The following LY9 variants were observed in gnomAD, a reference collection of about 807,000 sequenced individuals.
The protein encoded by LY9 is lymphocyte antigen 9, also known as T-lymphocyte surface antigen Ly-9.
Under a neutral mutation model 64.6 loss-of-function variants are expected in LY9, and 59 were observed. That is an observed-to-expected ratio of 0.91 (90% CI 0.74 to 1.13). The LOEUF is 1.13. LY9 is among the 50% of genes most tolerant of loss of function. LY9 has a pLI of 0.00. For missense variants in LY9, 789 were observed against 797.2 expected (o/e 0.99, Z 0.12); for synonymous variants, 281 against 308.5 (o/e 0.91, Z 0.93).
intron 6 of LY9, among the ~76,000 whole-genome samples, chr1:160,818,823 T>C (rs1668155677): frequency 6.6e-6 from 1 of 152,130 alleles, no homozygotes; most frequent in Non-Finnish European, 1.5e-5. Flanking sequence ...AAAATGTGCT[T>C]CCCTCTAACT....
chr1:160,823,769 C>T lies in LY9; in HGVS notation c.1803C>T (p.Thr601=), dbSNP rs761286132. 3.7e-6 allele frequency: 6 copies of T among 1,613,394 alleles called. No homozygotes were observed. The African/African-American group carries it at 5.3e-5, about 14-fold the overall frequency. Residue 601 remains threonine (T), a synonymous_variant, in exon 8 of 10, where the codon ACC becomes ACT. Transcript: ENST00000263285. The part of the protein sequence containing the change: ...TEVESVVGEN[T]MYAQVFNLQG... ...TTGAGTCTGTGGTTGGAGAGAACAC[C>T]ATGTATGCACAAGTGTTCAACTTAC... is the stretch of plus-strand genomic sequence containing the variant.
At position 160,824,264 on chromosome 1, in the gene LY9, A is replaced by G; in HGVS notation, c.1899+15A>G. 6.2e-7 allele frequency: 1 copy of G among 1,614,044 alleles called. No homozygotes were observed. The highest frequency in any genetic ancestry group is 8.5e-7 in the Non-Finnish European group (1 of 1,179,942). ...GGAAACCTCAGGTGGTGAGAACTAC[A>G]TTCTCTGTATCCCAAGGCCCACAGA... On this transcript the variant is annotated intron_variant, in intron 9 of 9. Coordinates refer to ENST00000263285, the MANE Select transcript of LY9 (RefSeq NM_002348.4).
intron 2 of LY9, among the ~76,000 whole-genome samples, chr1:160,801,386 C>T (rs1570972240): frequency 6.6e-6 from 1 of 152,042 alleles, no homozygotes; most frequent in Non-Finnish European, 1.5e-5. Context: ...TATCCTTTGC[C>T]CACTTTTTAA....
chr1:160,813,885 C>T lies in LY9; in HGVS notation c.704C>T (p.Pro235Leu), dbSNP rs777898218. The part of the protein sequence containing the change: ...QNPVSQRSSL[P>L]VHVGQFCTDP... Reference sequence around the variant, plus strand: ...CCCGTCAGCCAGAGAAGCTCCCTCCCTGTCCATGTTGGGCAGTTCTGTACA... The same window carrying T: ...CCCGTCAGCCAGAGAAGCTCCCTCCTTGTCCATGTTGGGCAGTTCTGTACA... The change falls in exon 3 of 10, where the codon CCT becomes CTT. Residue 235 changes from proline (P) to leucine (L), a missense_variant. Physicochemically the swap from Pro to Leu is moderately conservative, Grantham distance 98. Coordinates refer to ENST00000263285, the MANE Select transcript of LY9 (RefSeq NM_002348.4). The T allele has an allele frequency of 1.1e-4, 175 of 1,614,158 alleles. No homozygotes were observed. The highest frequency in any genetic ancestry group is 1.4e-4 in the Non-Finnish European group (167 of 1,180,010).
intron 2 of LY9, among the ~76,000 whole-genome samples, chr1:160,803,881 T>A (rs1666734400): frequency 6.6e-6 from 1 of 152,128 alleles, no homozygotes; most frequent in Admixed American, 6.5e-5. Context: ...TGGTGGCATG[T>A]GCCTGTAGTA....
rs1232813657 is a variant in LY9, at chr1:160,816,706, A to T, written c.1185A>T (p.Thr395=). Residue 395 remains threonine (T), a synonymous_variant, in exon 5 of 10, where the codon ACA becomes ACT. Coordinates refer to ENST00000263285, the MANE Select transcript of LY9 (RefSeq NM_002348.4). ...VEDGGNTVMY[T]WTPLQKEAVV... The stretch of plus-strand genomic sequence containing the variant: ...ACGGGGGAAACACTGTCATGTACAC[A>T]TGGACCCCGCTGCAGAAGGAAGCTG... The T allele has an allele frequency of 6.2e-6, 10 of 1,614,108 alleles. No homozygotes were observed. The South Asian group carries it at 9.9e-5, about 16-fold the overall frequency.
At chr1:160,816,948 A>T (rs1425701567) in intron 5 of LY9, 85 bp downstream of exon 5, 1 of 1,389,436 alleles carries the variant, frequency 7.2e-7, no homozygotes, top group African/African-American at 1.4e-5. Context: ...TATGAAGTGC[A>T]GTAAGAGGCT....
chr1:160,821,855 C>T (rs966545736), intron 7 of LY9, among the ~76,000 whole-genome samples: 2 of 152,180 alleles, frequency 1.3e-5, no homozygotes, highest in African/African-American at 2.4e-5. Context: ...CGGTTAAGAG[C>T]ATCAGGGACA....
chr1:160,801,795 T>C, intron 2 of LY9: 1 of 1,612,548 alleles, frequency 6.2e-7, no homozygotes, highest in Non-Finnish European at 8.5e-7. Context: ...CCCAGCACCA[T>C]TTATTGAAAA....
intron 2 of LY9, among the ~76,000 whole-genome samples, chr1:160,800,393 T>A (rs891058527): frequency 1.2e-4 from 18 of 151,948 alleles, no homozygotes; most frequent in African/African-American, 3.6e-4. Context: ...CTTTCCACCA[T>A]CCACTTCCAC....
chr1:160,798,324 T>C (rs1409742228), intron 1 of LY9, among the ~76,000 whole-genome samples: 1 of 152,200 alleles, frequency 6.6e-6, no homozygotes, highest in Non-Finnish European at 1.5e-5. Flanking sequence ...ATCTGGACTC[T>C]GTGACTGATC....
At chr1:160,825,549 A>T (rs998244128) in intron 9 of LY9, among the ~76,000 whole-genome samples, 5 of 152,170 alleles carry the variant, frequency 3.3e-5, no homozygotes, top group Admixed American at 6.5e-5. Flanking sequence ...CATCGTGTCC[A>T]TTCATACTTT....
In LY9 at chr1:160,816,692, ACT is replaced by A. The variant is rs1473294085; in HGVS notation, c.1172_1173del (p.Thr391SerfsTer29). 6.2e-7 allele frequency: 1 copy of A among 1,614,034 alleles called. No individual in the cohort carries two copies. The highest frequency in any genetic ancestry group is 8.5e-7 in the Non-Finnish European group (1 of 1,180,020). ...LTCSVEDGGN[T>X]VMYTWTPLQK... ...CTGCTCCGTGGAGGACGGGGGAAACACTGTCATGTACACATGGACCCCGCTGC... is the reference window on the plus strand; with the variant it reads ...CTGCTCCGTGGAGGACGGGGGAAACAGTCATGTACACATGGACCCCGCTGC... On this transcript the variant is annotated frameshift_variant, in exon 5 of 10. Coordinates refer to ENST00000263285, the MANE Select transcript of LY9 (RefSeq NM_002348.4). LOFTEE classifies it high-confidence loss of function.
rs753405175 is a variant in LY9 at position 160,796,210 on chromosome 1, C to A, written c.23C>A (p.Thr8Lys). Residue 8 changes from threonine (T) to lysine (K), a missense_variant, in exon 1 of 10, where the codon ACA (threonine) becomes AAA (lysine). Coordinates refer to ENST00000263285, the MANE Select transcript of LY9 (RefSeq NM_002348.4). ...ATCATGGTGGCACCAAAGAGTCACA[C>A]AGATGACTGGGCTCCTGGGCCTTTC... is the stretch of plus-strand genomic sequence containing the variant. MVAPKSH[T>K]DDWAPGPFSS... 11 of 1,614,016 alleles carry A rather than the reference C, an allele frequency of 6.8e-6. No homozygotes were observed. Among genetic ancestry groups the A allele is most frequent in the Non-Finnish European group, 9.3e-6 (11 of 1,180,018 alleles).
At position 160,826,105 on chromosome 1, in the gene LY9, G is replaced by A. The variant is rs146228643; in HGVS notation, c.1900-1643G>A. ...GATTAACACATATTTTGCATGTTAC[G>A]TGTATTATATACTGTATTCTTACAA... On this transcript the variant is annotated intron_variant, in intron 9 of 9. Coordinates refer to ENST00000263285, the MANE Select transcript of LY9 (RefSeq NM_002348.4). 2.3e-4 allele frequency among the ~76,000 whole-genome samples: 35 copies of A among 152,234 alleles called. 1 individual carries two copies. The East Asian group carries it at 5.0e-3, about 22-fold the overall frequency.
At chr1:160,826,193 A>C (rs556604906) in intron 9 of LY9, among the ~76,000 whole-genome samples, 3 of 152,242 alleles carry the variant, frequency 2.0e-5, no homozygotes, top group African/African-American at 7.2e-5. Context: ...TATGTATACT[A>C]TTCATTAAGT....
intron 8 of LY9, 83 bp downstream of exon 8, chr1:160,823,879 C>G: frequency 1.8e-6 from 2 of 1,135,508 alleles, no homozygotes; most frequent in South Asian, 1.4e-5. Flanking sequence ...TTCCTCCAAA[C>G]TGGGGGCTGG....
intron 3 of LY9, 82 bp downstream of exon 3, chr1:160,813,993 C>G: frequency 1.4e-6 from 2 of 1,424,672 alleles, no homozygotes; most frequent in Non-Finnish European, 1.9e-6. Flanking sequence ...GGATCCTGGT[C>G]AGACACACAG....
intron 2 of LY9, among the ~76,000 whole-genome samples, chr1:160,808,809 G>A (rs1319641119): frequency 6.6e-6 from 1 of 152,126 alleles, no homozygotes; most frequent in African/African-American, 2.4e-5. Flanking sequence ...CAGCCATTTC[G>A]AAGCCCCTTC....
Sources: gnomAD v4.1 joint callset for allele counts (sites outside exome capture counted in the v4.1 genomes callset) on GRCh38, gnomAD v4.1.1 for gene constraint, MANE v1.5 for transcripts, NCBI Gene and HGNC (gene_info 2026-07-23, HGNC 2026-07-21) for gene names.